Variants in TTN observed in about 807,000 individuals in gnomAD.
TTN encodes the protein connectin.
TTN carries 1,525 observed loss-of-function variants against 3,223.0 expected under a neutral mutation model. The ratio of observed to expected loss-of-function variants is 0.47; its 90% CI spans 0.45 to 0.49. TTN has a LOEUF of 0.49. Ranked by LOEUF, TTN falls within the 20% of genes least tolerant of loss-of-function variation. The probability of loss-of-function intolerance (pLI) is 0.00; values close to 1 mark genes in which losing one functional copy is unlikely to be tolerated. For synonymous variants in TTN, 14,094 were observed against 15,161.0 expected (o/e 0.93, Z 5.17); for missense variants, 40,786 against 43,424.0 (o/e 0.94, Z 5.40).
At chr2:178,536,810 A>T in intron 356 of TTN, 128 bp downstream of exon 356, 1 of 925,734 alleles carries the variant, frequency 1.1e-6, no homozygotes, top group East Asian at 2.7e-5. Context: ...AATTAAAGTG[A>T]AAGAAAAGGC....
intron 354 of TTN, chr2:178,538,224 A>T (rs543779699): frequency 2.2e-6 from 1 of 461,622 alleles, no homozygotes; most frequent in African/African-American, 2.0e-5. Context: ...TCTTGCCCTT[A>T]CTTAGGTTCA....
rs1262293420 is a variant in TTN, at chr2:178,636,382, G to A, written c.41329+16C>T. 6.3e-7 allele frequency: 1 copy of A among 1,587,260 alleles called. No individual in the cohort carries two copies. The highest frequency in any genetic ancestry group is 8.6e-7 in the Non-Finnish European group (1 of 1,166,902). On this transcript the variant is annotated intron_variant, in intron 225 of 362. Coordinates refer to ENST00000589042, the MANE Select transcript of TTN (RefSeq NM_001267550.2). The surrounding 1 kb of genome is among the most constrained non-coding windows in gnomAD (Gnocchi z 4.3). ...TAAAGTTTAATATAGATTATGTTCAGAAGACTAGAAATTACCTTCTACAAC... is the reference window on the plus strand; with the variant it reads ...TAAAGTTTAATATAGATTATGTTCAAAAGACTAGAAATTACCTTCTACAAC...
rs1255492442 is a variant in TTN, at chr2:178,653,067, T to G, written c.38849A>C (p.Lys12950Thr). The G allele has an allele frequency of 1.2e-6, 2 of 1,613,334 alleles. No individual in the cohort carries two copies. The highest frequency in any genetic ancestry group is 2.2e-5 in the South Asian group (2 of 91,048). Reference sequence around the variant, plus strand: ...TTTAACAGGTGGGACTTCAGGTTTTTTAGGAGGAGTCACTGGCACTTTCTT... The same window carrying G: ...TTTAACAGGTGGGACTTCAGGTTTTGTAGGAGGAGTCACTGGCACTTTCTT... ...PEKKVPVTPP[K>T]KPEVPPVKVP... Residue 12950 changes from lysine to threonine, a missense_variant, in exon 199 of 363, where the codon AAA becomes ACA. Lys to Thr is a moderately conservative substitution (Grantham distance 78). Coordinates refer to ENST00000589042, the MANE Select transcript of TTN (RefSeq NM_001267550.2).
intron 37 of TTN, 81 bp downstream of exon 37, chr2:178,769,598 G>T: frequency 8.0e-7 from 1 of 1,251,658 alleles, no homozygotes; most frequent in Non-Finnish European, 1.1e-6. Context: ...CAAAGTGTAG[G>T]ATATAGAATA....
rs1471116492 is a variant in TTN, at chr2:178,568,492, T to A, written c.77640A>T (p.Thr25880=). The change falls in exon 326 of 363, where the codon ACA becomes ACT. Residue 25880 remains threonine, a synonymous_variant. Coordinates refer to ENST00000589042, the MANE Select transcript of TTN (RefSeq NM_001267550.2). ...ITVANVVGQK[T]ASIEIVTLDK... is the part of the protein sequence containing the mutation. Reference sequence around the variant, plus strand: ...CTAGAGTTACAATTTCGATGGATGCTGTCTTCTGACCAACAACATTGGCAA... The same window carrying A: ...CTAGAGTTACAATTTCGATGGATGCAGTCTTCTGACCAACAACATTGGCAA... The A allele has an allele frequency of 6.2e-7, 1 of 1,613,446 alleles. No homozygotes were observed. The highest frequency in any genetic ancestry group is 1.3e-5 in the African/African-American group (1 of 75,028).
In TTN at chr2:178,630,845, C is replaced by T. The variant is rs751017081; in HGVS notation, c.44113G>A (p.Ala14705Thr). ...GCCTCTCCCTTGAGTTTCCAGTTGG[C>T]GTGGATATCATCTTCAGAGATTTCG... is the stretch of plus-strand genomic sequence containing the variant. ...ETEISEDDIH[A>T]NWKLKGEALL... The change falls in exon 238 of 363, where the codon GCC (alanine) becomes ACC (threonine). Residue 14705 changes from alanine (A) to threonine (T), a missense_variant. Transcript: ENST00000589042. 7.4e-6 allele frequency: 12 copies of T among 1,613,170 alleles called. No homozygotes were observed. In the African/African-American group the frequency reaches 1.1e-4, roughly 14 times the overall value.
intron 47 of TTN, chr2:178,748,420 G>T: frequency 6.2e-7 from 1 of 1,613,080 alleles, no homozygotes; most frequent in East Asian, 2.2e-5. Context: ...TAGAGATATT[G>T]TGTGTGTCAG....
chr2:178,641,346 C>A, intron 219 of TTN, 31 bp from the exon 220 acceptor site: 1 of 1,225,250 alleles, frequency 8.2e-7, no homozygotes, highest in South Asian at 1.5e-5. Context: ...ATATGTAAAC[C>A]AAGACAAACT....
rs1270039804 is a variant in TTN at position 178,776,847 on chromosome 2, C to T, written c.5017G>A (p.Ala1673Thr). ...PRGTYRAKEI[A>T]APELEPLHLR... ...TGGAGGGGCTCCAGTTCTGGGGCTG[C>T]AATCTCCTTTGCTCTATATGTCCCC... The change falls in exon 28 of 363, where the codon GCA becomes ACA. Residue 1673 changes from alanine to threonine, a missense_variant. Coordinates refer to ENST00000589042, the MANE Select transcript of TTN (RefSeq NM_001267550.2). 1.2e-6 allele frequency: 2 copies of T among 1,613,948 alleles called. No individual in the cohort carries two copies. The highest frequency in any genetic ancestry group is 4.5e-5 in the East Asian group (2 of 44,868).
At chr2:178,726,772 T>G (rs1482538066) in intron 69 of TTN, 1 of 213,480 alleles carries the variant, frequency 4.7e-6, no homozygotes, top group African/African-American at 2.3e-5. Context: ...TGTAAGTTGA[T>G]TGAAAGCAAA....
At chr2:178,705,048 C>T (rs935379235) in intron 103 of TTN, 82 bp from the exon 104 acceptor site, 50 of 1,566,600 alleles carry the variant, frequency 3.2e-5, no homozygotes, top group Non-Finnish European at 4.2e-5. Context: ...AGCTTCCATT[C>T]TGGATGCTGG....
chr2:178,790,122 A>G lies in TTN; in HGVS notation c.1801-7T>C, dbSNP rs775380629. ...TCCTAGTTTCCTTCATTATCTGATC[A>G]TACAAAAGAAAGTAAGAAAATAGTC... On this transcript the variant is annotated splice_polypyrimidine_tract_variant and splice_region_variant and intron_variant, in intron 11 of 362. Coordinates refer to ENST00000589042, the MANE Select transcript of TTN (RefSeq NM_001267550.2). The G allele has an allele frequency of 6.2e-7, 1 of 1,610,904 alleles. No individual in the cohort carries two copies. The highest frequency in any genetic ancestry group is 1.7e-5 in the Admixed American group (1 of 59,844).
At position 178,578,906 on chromosome 2, in the gene TTN, A is replaced by C; in HGVS notation, c.68124T>G (p.Leu22708=). ...VQKTTFRVTR[L]HEGMEYTFRV... ...TGAAGGTATATTCCATGCCCTCATG[A>C]AGTCTGGTTACTCTAAAGGTGGTTT... Residue 22708 remains leucine, a synonymous_variant, in exon 320 of 363, where the codon CTT becomes CTG. Transcript: ENST00000589042. 1 of 1,613,268 alleles carries C rather than the reference A, an allele frequency of 6.2e-7. No homozygotes were observed. The highest frequency in any genetic ancestry group is 1.1e-5 in the South Asian group (1 of 91,062).
At chr2:178,781,927 T>TGTGG (rs1554016476) in intron 20 of TTN, among the ~76,000 whole-genome samples, 1 of 151,272 alleles carries the variant, frequency 6.6e-6, no homozygotes, top group East Asian at 2.0e-4. Context: ...TGTGTGTGTG[T>TGTGG]GTGGGTGTGT....
rs778914570 is a variant in TTN, at chr2:178,785,896, C to T, written c.2322G>A (p.Glu774=). The T allele has an allele frequency of 5.0e-6, 8 of 1,614,070 alleles. No homozygotes were observed. The highest frequency in any genetic ancestry group is 6.8e-6 in the Non-Finnish European group (8 of 1,179,998). The part of the protein sequence containing the change: ...VKPRVIQAPS[E]THIKTTDQKG... ...TTTGATCAGTAGTTTTGATATGAGT[C>T]TCAGAAGGAGCCTGGATTACTCTAG... The change falls in exon 14 of 363, where the codon GAG becomes GAA. Residue 774 remains glutamate (E), a synonymous_variant. Transcript: ENST00000589042.
intron 106 of TTN, 109 bp downstream of exon 106, chr2:178,704,038 A>G: frequency 2.2e-6 from 3 of 1,393,890 alleles, no homozygotes; most frequent in Non-Finnish European, 2.9e-6. Flanking sequence ...GGAAATAAGA[A>G]CACATGACCA....
rs372054167 is a variant in TTN, at chr2:178,802,130, C to T, written c.295+8G>A. On this transcript the variant is annotated splice_region_variant and intron_variant, in intron 3 of 362. Coordinates refer to ENST00000589042, the MANE Select transcript of TTN (RefSeq NM_001267550.2). ...GAGCAGAGGATTGGCAGGTCCCCAG[C>T]AGCCTACCTTTCACGAGAAGCTCAG... The T allele has an allele frequency of 6.2e-7, 1 of 1,614,010 alleles. No homozygotes were observed. Among genetic ancestry groups the T allele is most frequent in the Non-Finnish European group, 8.5e-7 (1 of 1,179,992 alleles).
chr2:178,734,010 G>A, intron 52 of TTN, 118 bp from the exon 53 acceptor site: 1 of 998,700 alleles, frequency 1.0e-6, no homozygotes, highest in Non-Finnish European at 1.4e-6. Flanking sequence ...CTATTTCATA[G>A]TGTTAATTAG....
chr2:178,767,352 CCA>C (rs1251253921), intron 40 of TTN, among the ~76,000 whole-genome samples: 1 of 152,228 alleles, frequency 6.6e-6, no homozygotes, highest in African/African-American at 2.4e-5. Context: ...GTATTTCTAG[CCA>C]CTAAGTTCCT....
Sources: allele counts gnomAD v4.1 joint callset (sites outside exome capture counted in the v4.1 genomes callset), GRCh38; gene constraint gnomAD v4.1.1; non-coding constraint Gnocchi (gnomAD v3.1); transcripts MANE v1.5; gene names NCBI Gene and HGNC (gene_info 2026-07-23, HGNC 2026-07-21).